Variants in ALLC observed in about 807,000 individuals in gnomAD.
The protein encoded by ALLC is allantoicase.
ALLC carries 40 observed loss-of-function variants against 45.0 expected under a neutral mutation model. The ratio of observed to expected loss-of-function variants is 0.89; its 90% CI spans 0.69 to 1.16. The LOEUF (loss-of-function observed/expected upper bound fraction) is 1.16. Ranked by LOEUF, ALLC falls within the 50% of genes most tolerant of loss-of-function variation. The pLI, the probability that ALLC is intolerant of heterozygous loss-of-function variation, is 0.00. For missense variants in ALLC, 488 were observed against 493.1 expected, an observed-to-expected ratio of 0.99 and a Z score of 0.10; for synonymous variants, 176 against 178.1, an observed-to-expected ratio of 0.99 and a Z score of 0.09.
chr2:3,668,329 G>A (rs1216288877), intron 1 of ALLC, among the ~76,000 whole-genome samples: 1 of 152,106 alleles, frequency 6.6e-6, no homozygotes, highest in Non-Finnish European at 1.5e-5. Context: ...AGAAGGGAAA[G>A]GGCCCTAAGT....
At chr2:3,692,771 T>C (rs1667557124) in intron 7 of ALLC, among the ~76,000 whole-genome samples, 1 of 152,092 alleles carries the variant, frequency 6.6e-6, no homozygotes, top group Non-Finnish European at 1.5e-5. Context: ...AGTTACAGGG[T>C]TTGCAGGGCT....
rs1263956422 is a variant in ALLC, at chr2:3,702,503, C to T, written c.1116C>T (p.Leu372=). 3 of 1,611,590 alleles carry T rather than the reference C, an allele frequency of 1.9e-6. No individual in the cohort carries two copies. The South Asian group carries it at 3.3e-5, about 18-fold the overall frequency. Residue 372 remains leucine, a synonymous_variant, in exon 12 of 12, where the codon CTC becomes CTT. Coordinates refer to ENST00000252505, the MANE Select transcript of ALLC (RefSeq NM_018436.4). ...RLRGFPSSIC[L]LRPREKPMLK... is the part of the protein sequence containing the mutation. ...GGGGCTTCCCCAGCTCCATCTGCCT[C>T]CTGAGGCCCCGGGAGAAGCCCATGT...
At chr2:3,674,260 A>G in intron 3 of ALLC, 135 bp downstream of exon 3, 1 of 717,502 alleles carries the variant, frequency 1.4e-6, no homozygotes, top group Non-Finnish European at 2.4e-6. Context: ...TTAGAATGTT[A>G]GAAAGACATG....
intron 5 of ALLC, 63 bp from the exon 6 acceptor site, chr2:3,681,571 G>T: frequency 8.4e-7 from 1 of 1,194,766 alleles, no homozygotes; most frequent in South Asian, 1.4e-5. Flanking sequence ...AAACCACCAA[G>T]AGAGTAGATT....
chr2:3,686,361 A>G (rs1024320058), intron 7 of ALLC, among the ~76,000 whole-genome samples: 5 of 151,030 alleles, frequency 3.3e-5, no homozygotes, highest in African/African-American at 1.2e-4. Context: ...TTGCTTATAT[A>G]GCTTCATAGT....
intron 9 of ALLC, among the ~76,000 whole-genome samples, chr2:3,696,748 G>A (rs116120653): frequency 0.043 from 6,498 of 152,240 alleles, 475 homozygotes; most frequent in African/African-American, 0.15. Context: ...TGGACAGGGC[G>A]CTCTAGAGTC....
At chr2:3,661,842 C>T (rs373035409) in intron 1 of ALLC, among the ~76,000 whole-genome samples, 1 of 152,194 alleles carries the variant, frequency 6.6e-6, no homozygotes, top group East Asian at 1.9e-4. Flanking sequence ...GGCAGACCTC[C>T]AGGTAGGCTC....
chr2:3,662,170 C>T (rs929619901), intron 1 of ALLC, among the ~76,000 whole-genome samples: 1 of 152,208 alleles, frequency 6.6e-6, no homozygotes, highest in Non-Finnish European at 1.5e-5. Flanking sequence ...CAGAGAAAGT[C>T]GCCTGCTTTT....
At chr2:3,700,867 C>T (rs993894011) in intron 10 of ALLC, among the ~76,000 whole-genome samples, 3 of 152,118 alleles carry the variant, frequency 2.0e-5, no homozygotes, top group Admixed American at 6.5e-5. Context: ...AGCAGCTCCT[C>T]CTCTGTTGAT....
the ALLC span, among the ~76,000 whole-genome samples, chr2:3,647,764 T>G: frequency 6.6e-6 from 1 of 151,900 alleles, no homozygotes; most frequent in Non-Finnish European, 1.5e-5. Context: ...TAGCGTTGTC[T>G]CAGCCTTCAC....
At chr2:3,690,249 CT>C (rs1333556307) in intron 7 of ALLC, among the ~76,000 whole-genome samples, 14 of 40,038 alleles carry the variant, frequency 3.5e-4, no homozygotes, top group East Asian at 1.1e-3. Context: ...ATCCCCTCCC[CT>C]TCCCTTCCCT....
chr2:3,695,621 A>G (rs1244632709), intron 7 of ALLC, 96 bp from the exon 8 acceptor site: 1 of 1,446,688 alleles, frequency 6.9e-7, no homozygotes, highest in Non-Finnish European at 9.6e-7. Context: ...AAAGCCTACC[A>G]AGAGATGACA....
upstream of ALLC, among the ~76,000 whole-genome samples, chr2:3,656,760 G>A (rs1048298103): frequency 6.9e-6 from 1 of 145,220 alleles, no homozygotes; most frequent in East Asian, 1.9e-4. Flanking sequence ...ACATTAGATT[G>A]TAGGAGCCAG....
chr2:3,666,216 A>T (rs10177544), intron 1 of ALLC, among the ~76,000 whole-genome samples: 63,631 of 151,732 alleles, frequency 0.42, 16,469 homozygotes, highest in African/African-American at 0.74. Flanking sequence ...CATTACATTA[A>T]TTACTTAGGC....
chr2:3,649,540 C>A, the ALLC span, among the ~76,000 whole-genome samples: 6 of 152,350 alleles, frequency 3.9e-5, no homozygotes, highest in East Asian at 1.2e-3. Flanking sequence ...CGCGCCCGGC[C>A]CCCAAACACT....
chr2:3,697,500 T>C, intron 10 of ALLC, 44 bp downstream of exon 10: 2 of 1,508,046 alleles, frequency 1.3e-6, no homozygotes, highest in Non-Finnish European at 1.8e-6. Flanking sequence ...TTGGTTTGTT[T>C]ATTCTAAAGA....
chr2:3,678,858 A>C (rs1296345200), intron 4 of ALLC, among the ~76,000 whole-genome samples: 3 of 152,198 alleles, frequency 2.0e-5, no homozygotes, highest in African/African-American at 7.2e-5. Flanking sequence ...GGCAGGCATT[A>C]GGCAGCGTGC....
chr2:3,700,956 C>A (rs1667811170), intron 10 of ALLC, among the ~76,000 whole-genome samples: 1 of 152,134 alleles, frequency 6.6e-6, no homozygotes, highest in African/African-American at 2.4e-5. Flanking sequence ...CCCCACTGAG[C>A]CCACGATTCC....
chr2:3,657,020 G>C (rs1325618716), upstream of ALLC, among the ~76,000 whole-genome samples: 1 of 152,188 alleles, frequency 6.6e-6, no homozygotes, highest in Non-Finnish European at 1.5e-5. Context: ...CGGCTGACAA[G>C]AACTGCCAGG....
Sources: gnomAD v4.1 joint callset for allele counts (sites outside exome capture counted in the v4.1 genomes callset) on GRCh38, gnomAD v4.1.1 for gene constraint, MANE v1.5 for transcripts, NCBI Gene and HGNC (gene_info 2026-07-23, HGNC 2026-07-21) for gene names.